The following WDPCP variants were observed in gnomAD, a reference collection of about 807,000 sequenced individuals.
WDPCP encodes the protein WD repeat containing planar cell polarity effector, also known as WD repeat-containing and planar cell polarity effector protein fritz homolog.
In WDPCP, 71 loss-of-function variants were observed where a neutral mutation model predicts 93.1. That is an observed-to-expected ratio of 0.76 (90% CI 0.63 to 0.93). WDPCP has a LOEUF of 0.93. Ranked by LOEUF, WDPCP falls within the 40% of genes least tolerant of loss-of-function variation. The pLI, the probability that WDPCP is intolerant of heterozygous loss-of-function variation, is 0.00. For missense variants in WDPCP, 844 were observed against 887.4 expected (o/e 0.95, Z 0.62); for synonymous variants, 315 against 315.0 (o/e 1.00, Z 0.00).
chr2:63,365,019 A>G (rs895587251), intron 12 of WDPCP, among the ~76,000 whole-genome samples: 1 of 152,234 alleles, frequency 6.6e-6, no homozygotes, highest in Non-Finnish European at 1.5e-5. Flanking sequence ...CTGTATTTAC[A>G]AAGATGAGAG....
intron 14 of WDPCP, among the ~76,000 whole-genome samples, chr2:63,192,997 A>C (rs146240968): frequency 6.6e-6 from 1 of 152,368 alleles, no homozygotes; most frequent in East Asian, 1.9e-4. Flanking sequence ...CTCTTGTAAA[A>C]AAATACAGCT....
intron 9 of WDPCP, among the ~76,000 whole-genome samples, chr2:63,405,954 A>C (rs1426621605): frequency 6.6e-6 from 1 of 152,218 alleles, no homozygotes; most frequent in Non-Finnish European, 1.5e-5. Context: ...GTATAGTAAC[A>C]AGGTCATTTT....
intron 14 of WDPCP, among the ~76,000 whole-genome samples, chr2:63,235,896 G>A (rs904492731): frequency 1.4e-4 from 22 of 152,182 alleles, no homozygotes; most frequent in African/African-American, 3.1e-4. Flanking sequence ...ATCGTACTGC[G>A]TGGGCAAAAA....
intron 6 of WDPCP, among the ~76,000 whole-genome samples, chr2:63,455,433 TATATATAC>T (rs1558657691): frequency 6.7e-6 from 1 of 149,092 alleles, no homozygotes; most frequent in Non-Finnish European, 1.5e-5. Flanking sequence ...TATATATATA[TATATATAC>T]ACACACACAC....
intron 9 of WDPCP, among the ~76,000 whole-genome samples, chr2:63,419,436 G>A (rs186774208): frequency 3.3e-5 from 5 of 152,218 alleles, no homozygotes; most frequent in East Asian, 3.9e-4. Flanking sequence ...CACTGCGCCC[G>A]GCCCCTTAAG....
At chr2:63,270,871 G>A (rs1575027158) in intron 13 of WDPCP, among the ~76,000 whole-genome samples, 4 of 152,080 alleles carry the variant, frequency 2.6e-5, no homozygotes, top group South Asian at 2.1e-4. Context: ...GGTAGTTTGC[G>A]CTGCATCCCA....
chr2:63,644,730 A>G (rs907508687), intron 3 of WDPCP, among the ~76,000 whole-genome samples: 1 of 152,010 alleles, frequency 6.6e-6, no homozygotes, highest in Admixed American at 6.6e-5. Flanking sequence ...TCATGGTTCA[A>G]TCTTGGTATG....
upstream of WDPCP, among the ~76,000 whole-genome samples, chr2:63,831,406 T>C (rs1671197096): frequency 6.6e-6 from 1 of 152,212 alleles, no homozygotes; most frequent in Admixed American, 6.5e-5. Flanking sequence ...GCCTCGGTTC[T>C]TGCCTTTCTA....
chr2:63,636,769 C>T (rs1475002740), intron 3 of WDPCP, among the ~76,000 whole-genome samples: 1 of 152,152 alleles, frequency 6.6e-6, no homozygotes, highest in Non-Finnish European at 1.5e-5. Context: ...AATAAACCCA[C>T]ACATGTACAG....
chr2:63,437,331 T>G (rs1697200169), intron 8 of WDPCP, 90 bp downstream of exon 8: 1 of 1,084,398 alleles, frequency 9.2e-7, no homozygotes, highest in African/African-American at 1.6e-5. Context: ...TCCAGAAATG[T>G]TGAAGAATAA....
intron 2 of WDPCP, among the ~76,000 whole-genome samples, chr2:63,792,134 G>A (rs1414970701): frequency 6.6e-6 from 1 of 152,112 alleles, no homozygotes; most frequent in Non-Finnish European, 1.5e-5. Flanking sequence ...AATGACATGT[G>A]TATTAGTCCA....
intron 14 of WDPCP, among the ~76,000 whole-genome samples, chr2:63,213,888 C>A (rs558473844): frequency 6.6e-6 from 1 of 152,178 alleles, no homozygotes; most frequent in South Asian, 2.1e-4. Context: ...TGGATAAATT[C>A]CTGTACACAT....
At chr2:63,124,282 A>T (rs1669744956) in intron 17 of WDPCP, among the ~76,000 whole-genome samples, 1 of 152,036 alleles carries the variant, frequency 6.6e-6, no homozygotes, top group African/African-American at 2.4e-5. Context: ...TGTGGTTCCA[A>T]GGAAGACTGA....
chr2:63,138,921 A>G (rs1197917422), intron 17 of WDPCP, among the ~76,000 whole-genome samples: 1 of 151,746 alleles, frequency 6.6e-6, no homozygotes, highest in Non-Finnish European at 1.5e-5. Flanking sequence ...CTCATAGCTT[A>G]GCTCCTACAT....
At chr2:63,566,676 A>G (rs1190917875) in intron 1 of WDPCP, among the ~76,000 whole-genome samples, 3 of 152,192 alleles carry the variant, frequency 2.0e-5, no homozygotes, top group Non-Finnish European at 4.4e-5. Context: ...CTGGACACCA[A>G]CTGGATGTCT....
At chr2:63,770,762 T>G (rs1352898099) in intron 2 of WDPCP, among the ~76,000 whole-genome samples, 1 of 151,936 alleles carries the variant, frequency 6.6e-6, no homozygotes. Flanking sequence ...ACAACAGAGT[T>G]TTCCAGTGGA....
At chr2:63,651,846 G>A (rs902688697) in intron 2 of WDPCP, among the ~76,000 whole-genome samples, 1 of 152,154 alleles carries the variant, frequency 6.6e-6, no homozygotes, top group Non-Finnish European at 1.5e-5. Flanking sequence ...CATAAAAAGT[G>A]GTATCTGAGC....
chr2:63,342,242 T>C (rs975139304), intron 12 of WDPCP, among the ~76,000 whole-genome samples: 3 of 152,184 alleles, frequency 2.0e-5, no homozygotes, highest in Non-Finnish European at 4.4e-5. Context: ...TGTGGCCTGG[T>C]TCCTAACAAG....
chr2:63,594,622 A>G (rs1709268500), intron 3 of WDPCP: 1 of 1,403,482 alleles, frequency 7.1e-7, no homozygotes, highest in Non-Finnish European at 1.0e-6. Context: ...AAGTTATTAG[A>G]GTAAGAATAT....
Sources: gnomAD v4.1 joint callset for allele counts (sites outside exome capture counted in the v4.1 genomes callset) on GRCh38, gnomAD v4.1.1 for gene constraint, MANE v1.5 for transcripts, NCBI Gene and HGNC (gene_info 2026-07-23, HGNC 2026-07-21) for gene names.